The following THSD7B variants were observed in gnomAD, a reference collection of about 807,000 sequenced individuals.
The protein encoded by THSD7B is thrombospondin type-1 domain-containing protein 7B.
THSD7B carries 138 observed loss-of-function variants against 213.6 expected under a neutral mutation model. The observed-to-expected ratio is 0.65, with a 90% CI of 0.56 to 0.74. The LOEUF is 0.74. Among genes scored for constraint, THSD7B ranks in the 30% least tolerant of loss-of-function variants. THSD7B has a pLI of 0.00. For missense variants in THSD7B, 1,931 were observed against 1,991.5 expected (o/e 0.97, Z 0.58); for synonymous variants, 742 against 687.0 (o/e 1.08, Z -1.25).
chr2:137,227,129 A>G (rs1450326441), intron 7 of THSD7B, among the ~76,000 whole-genome samples: 3 of 152,174 alleles, frequency 2.0e-5, no homozygotes, highest in African/African-American at 7.2e-5. Context: ...TGATTAAAAT[A>G]TTTTGTAACC....
intron 1 of THSD7B, among the ~76,000 whole-genome samples, chr2:136,770,231 T>C (rs1681480571): frequency 1.3e-5 from 2 of 152,244 alleles, no homozygotes; most frequent in Admixed American, 1.3e-4. Flanking sequence ...TTCAGATGGT[T>C]ATTTTAAAAA....
chr2:137,048,657 A>G (rs534865613), intron 2 of THSD7B, among the ~76,000 whole-genome samples: 4 of 152,336 alleles, frequency 2.6e-5, no homozygotes, highest in African/African-American at 9.6e-5. Context: ...GCTTGTATGC[A>G]TAGTCCCAAC....
intron 2 of THSD7B, among the ~76,000 whole-genome samples, chr2:136,900,652 C>G (rs1684048385): frequency 6.6e-6 from 1 of 152,134 alleles, no homozygotes; most frequent in South Asian, 2.1e-4. Context: ...CCAGGGAGCA[C>G]TATTTTGCAC....
intron 9 of THSD7B, among the ~76,000 whole-genome samples, chr2:137,240,309 T>G (rs1356298742): frequency 6.6e-6 from 1 of 152,250 alleles, no homozygotes; most frequent in Non-Finnish European, 1.5e-5. Context: ...GTTTTGCCTA[T>G]GCATTGTTTC....
chr2:137,445,992 A>T (rs547127899), intron 14 of THSD7B, among the ~76,000 whole-genome samples: 105 of 151,432 alleles, frequency 6.9e-4, no homozygotes, highest in Non-Finnish European at 1.4e-3. Flanking sequence ...AACTCACAAG[A>T]TTCTCCCGGA....
intron 2 of THSD7B, among the ~76,000 whole-genome samples, chr2:137,024,800 C>T (rs1686514966): frequency 6.6e-6 from 1 of 152,054 alleles, no homozygotes; most frequent in Admixed American, 6.6e-5. Context: ...CATTTCAGGC[C>T]AAATATATAA....
At chr2:137,038,360 A>G (rs537227179) in intron 2 of THSD7B, among the ~76,000 whole-genome samples, 13 of 152,280 alleles carry the variant, frequency 8.5e-5, no homozygotes, top group African/African-American at 2.6e-4. Context: ...CTGATGAAGA[A>G]GAGCCATTTC....
chr2:137,230,970 A>T (rs1681625997), intron 7 of THSD7B, 74 bp from the exon 8 acceptor site: 2 of 1,404,586 alleles, frequency 1.4e-6, no homozygotes, highest in South Asian at 1.4e-5. Flanking sequence ...GGTACTTTAA[A>T]CTGAAGTAAT....
chr2:137,559,341 G>A (rs140924248), intron 15 of THSD7B, among the ~76,000 whole-genome samples: 1 of 152,150 alleles, frequency 6.6e-6, no homozygotes, highest in African/African-American at 2.4e-5. Flanking sequence ...AACCAAAACA[G>A]CATGGTACTG....
intron 12 of THSD7B, among the ~76,000 whole-genome samples, chr2:137,361,415 C>T (rs959561788): frequency 3.3e-5 from 5 of 152,028 alleles, no homozygotes; most frequent in South Asian, 4.1e-4. Flanking sequence ...TTCAGAAAGT[C>T]GGTAATGATA....
At chr2:136,850,631 T>A (rs1412967530) in intron 1 of THSD7B, among the ~76,000 whole-genome samples, 1 of 152,034 alleles carries the variant, frequency 6.6e-6, no homozygotes, top group African/African-American at 2.4e-5. Flanking sequence ...AATTTTAATT[T>A]CCCTAATTAC....
At chr2:136,803,054 T>C (rs1038114298) in intron 1 of THSD7B, among the ~76,000 whole-genome samples, 4 of 151,798 alleles carry the variant, frequency 2.6e-5, no homozygotes, top group African/African-American at 9.7e-5. Context: ...TAAAATCATT[T>C]GATAAACTAC....
At chr2:137,278,579 G>A (rs1456885997) in intron 12 of THSD7B, among the ~76,000 whole-genome samples, 1 of 152,070 alleles carries the variant, frequency 6.6e-6, no homozygotes. Flanking sequence ...TGCACACTGG[G>A]TATCCTCCCC....
chr2:137,620,647 C>T lies in THSD7B; in HGVS notation c.3720C>T (p.Cys1240=), dbSNP rs768564108. 1 of 1,613,924 alleles carries T rather than the reference C, an allele frequency of 6.2e-7. No individual in the cohort carries two copies. The highest frequency in any genetic ancestry group is 1.1e-5 in the South Asian group (1 of 91,086). Residue 1240 remains cysteine, a synonymous_variant, in exon 20 of 28, where the codon TGC becomes TGT. Coordinates refer to ENST00000409968, the MANE Select transcript of THSD7B (RefSeq NM_001316349.2). ...LEKPQRMSIP[C]LVECVVNCQL... is the part of the protein sequence containing the mutation. ...AGCCCCAGAGAATGAGCATTCCCTG[C>T]TTGGTGGAATGCGTGGTCAACTGTC... is the stretch of plus-strand genomic sequence containing the variant.
At chr2:136,963,450 C>A (rs578049026) in intron 2 of THSD7B, among the ~76,000 whole-genome samples, 10 of 152,002 alleles carry the variant, frequency 6.6e-5, no homozygotes, top group Non-Finnish European at 1.5e-4. Flanking sequence ...CAAGAGTAAC[C>A]TGGGCAACAT....
At chr2:137,453,170 A>G (rs1687685812) in intron 15 of THSD7B, among the ~76,000 whole-genome samples, 1 of 152,026 alleles carries the variant, frequency 6.6e-6, no homozygotes. Flanking sequence ...CATATGTTAT[A>G]TATTAAAAAA....
chr2:137,282,984 A>G (rs1486510047), intron 12 of THSD7B, among the ~76,000 whole-genome samples: 1 of 152,098 alleles, frequency 6.6e-6, no homozygotes, highest in Admixed American at 6.6e-5. Context: ...GAATCTATAA[A>G]TTACCTTGGG....
intron 12 of THSD7B, among the ~76,000 whole-genome samples, chr2:137,339,208 CCT>C (rs1684705384): frequency 1.3e-5 from 2 of 152,070 alleles, no homozygotes; most frequent in South Asian, 4.1e-4. Flanking sequence ...AGAATGCAGC[CCT>C]TCTGCTCAGA....
In THSD7B at chr2:137,655,091, A is replaced by T. The variant is rs964832129; in HGVS notation, c.3946-410A>T. 4.6e-5 allele frequency among the ~76,000 whole-genome samples: 7 copies of T among 152,340 alleles called. No homozygotes were observed. The East Asian group carries it at 1.2e-3, about 25-fold the overall frequency. The stretch of plus-strand genomic sequence containing the variant: ...AACCTCAACCTAATCCATAGAAAAA[A>T]GTACTGAATTCTATAAAAAAGAAAA... On this transcript the variant is annotated intron_variant, in intron 21 of 27. Transcript: ENST00000409968.
Sources: allele counts gnomAD v4.1 joint callset (sites outside exome capture counted in the v4.1 genomes callset), GRCh38; gene constraint gnomAD v4.1.1; transcripts MANE v1.5; gene names NCBI Gene and HGNC (gene_info 2026-07-23, HGNC 2026-07-21).